The following FNIP1 variants were observed in gnomAD, a reference collection of about 807,000 sequenced individuals.
FNIP1 encodes folliculin-interacting protein 1.
FNIP1 carries 40 observed loss-of-function variants against 124.5 expected under a neutral mutation model. The ratio of observed to expected loss-of-function variants is 0.32; its 90% confidence interval spans 0.25 to 0.42. FNIP1 has a LOEUF of 0.42. Among genes scored for constraint, FNIP1 ranks in the 10% least tolerant of loss-of-function variants. FNIP1 has a pLI of 1.00. For missense variants in FNIP1, 1,176 were observed against 1,403.7 expected, an observed-to-expected ratio of 0.84 and a Z score of 2.59; for synonymous variants, 472 against 470.6, an observed-to-expected ratio of 1.00 and a Z score of -0.04.
chr5:131,675,328 G>A (rs1193525083), intron 13 of FNIP1, among the ~76,000 whole-genome samples: 1 of 152,088 alleles, frequency 6.6e-6, no homozygotes, highest in Non-Finnish European at 1.5e-5. Flanking sequence ...ATTGTTGTCT[G>A]CATATATATT....
At chr5:131,766,913 G>A (rs554039050) in intron 1 of FNIP1, among the ~76,000 whole-genome samples, 30 of 152,244 alleles carry the variant, frequency 2.0e-4, no homozygotes, top group Admixed American at 5.2e-4. Context: ...CAGCCAACTG[G>A]ATGGTGCCTA....
chr5:131,685,534 C>A (rs1237457228), intron 11 of FNIP1, among the ~76,000 whole-genome samples: 1 of 150,756 alleles, frequency 6.6e-6, no homozygotes, highest in Admixed American at 6.6e-5. Context: ...CTGCAACCTC[C>A]GCCTCCGAGG....
At position 131,647,176 on chromosome 5, in the gene FNIP1, C is replaced by T. The variant is rs1386812625; in HGVS notation, c.3336G>A (p.Gln1112=). ...FCVMHLEDRL[Q]ELYFKSKMLS... ...GCATTTTACTTTTGAAGTATAGCTC[C>T]TGCAACCGGTCTTCAAGATGCATTA... The change falls in exon 17 of 18, where the codon CAG becomes CAA. Residue 1112 remains glutamine, a synonymous_variant. Transcript: ENST00000510461. 27 of 1,614,026 alleles carry T rather than the reference C, an allele frequency of 1.7e-5. No individual in the cohort carries two copies. Among genetic ancestry groups the T allele is most frequent in the Non-Finnish European group, 2.1e-5 (25 of 1,180,012 alleles).
intron 1 of FNIP1, among the ~76,000 whole-genome samples, chr5:131,755,042 G>A (rs1770998834): frequency 6.6e-6 from 1 of 152,208 alleles, no homozygotes; most frequent in Non-Finnish European, 1.5e-5. Flanking sequence ...AGGAGGGGGA[G>A]TAAGTTTGGG....
At chr5:131,645,760 A>T (rs1370400271) in intron 17 of FNIP1, among the ~76,000 whole-genome samples, 7 of 152,344 alleles carry the variant, frequency 4.6e-5, no homozygotes, top group Admixed American at 3.9e-4. Flanking sequence ...AACTAAAAAT[A>T]ATCTAAATTC....
chr5:131,754,174 C>CT (rs1447923096), intron 1 of FNIP1, among the ~76,000 whole-genome samples: 1 of 21,794 alleles, frequency 4.6e-5, no homozygotes, highest in Admixed American at 7.0e-4. Flanking sequence ...GGGAATATTT[C>CT]TCTGTCACAT....
intron 1 of FNIP1, among the ~76,000 whole-genome samples, chr5:131,781,787 T>A (rs1339171639): frequency 1.3e-5 from 2 of 152,138 alleles, no homozygotes; most frequent in African/African-American, 4.8e-5. Context: ...TTCTGCAGCC[T>A]ACGGATCAAG....
chr5:131,688,281 G>T (rs368556710), intron 11 of FNIP1, among the ~76,000 whole-genome samples: 14 of 143,326 alleles, frequency 9.8e-5, no homozygotes, highest in East Asian at 6.0e-4. Context: ...AGAAAGAGGA[G>T]TTTAAAATAA....
At chr5:131,778,377 C>CA (rs1204293968) in intron 1 of FNIP1, among the ~76,000 whole-genome samples, 1 of 151,682 alleles carries the variant, frequency 6.6e-6, no homozygotes, top group Non-Finnish European at 1.5e-5. Context: ...TTTATGCAGC[C>CA]AAAAAACACA....
intron 1 of FNIP1, among the ~76,000 whole-genome samples, chr5:131,786,964 T>C (rs1407825658): frequency 6.6e-6 from 1 of 152,206 alleles, no homozygotes; most frequent in Non-Finnish European, 1.5e-5. Flanking sequence ...GTACCTACTA[T>C]GCCATTTAAT....
chr5:131,688,772 C>G (rs1231064272), intron 11 of FNIP1, among the ~76,000 whole-genome samples: 1 of 146,968 alleles, frequency 6.8e-6, no homozygotes, highest in Non-Finnish European at 1.5e-5. Context: ...TGGACATGAC[C>G]AAGGAAAGAA....
chr5:131,734,353 C>G (rs1259849365), intron 2 of FNIP1, among the ~76,000 whole-genome samples: 2 of 152,110 alleles, frequency 1.3e-5, no homozygotes, highest in African/African-American at 4.8e-5. Flanking sequence ...TTAGTTATTT[C>G]TTGCCTTCTG....
chr5:131,658,208 C>G (rs183549562), intron 15 of FNIP1, among the ~76,000 whole-genome samples: 2 of 152,248 alleles, frequency 1.3e-5, no homozygotes, highest in Non-Finnish European at 2.9e-5. Flanking sequence ...AACAAATTGA[C>G]GTTAGACAAT....
chr5:131,668,917 T>C (rs1300447412), intron 15 of FNIP1, among the ~76,000 whole-genome samples: 2 of 152,188 alleles, frequency 1.3e-5, no homozygotes, highest in Non-Finnish European at 2.9e-5. Context: ...AAAAAATATA[T>C]ACAATTTAAG....
intron 11 of FNIP1, among the ~76,000 whole-genome samples, chr5:131,687,656 G>C (rs1236170744): frequency 6.6e-6 from 1 of 152,192 alleles, no homozygotes; most frequent in East Asian, 1.9e-4. Context: ...TGAAAAAATG[G>C]GTAAATACAG....
chr5:131,796,889 G>C lies in FNIP1; in HGVS notation c.33C>G (p.Ser11Arg), dbSNP rs1772629139. The change falls in exon 1 of 18, where the codon AGC (serine) becomes AGG (arginine). Residue 11 changes from serine to arginine, a missense_variant. Ser to Arg is a moderately radical substitution (Grantham distance 110). Around this residue, in one of 2 missense-constraint regions of FNIP1, gnomAD observed 1,109 missense variants for 1,288.5 expected, o/e 0.86. Coordinates refer to ENST00000510461, the MANE Select transcript of FNIP1 (RefSeq NM_133372.3). The part of the protein sequence containing the change: MAPTLFQKLF[S>R]KRTGLGAPGR... The stretch of plus-strand genomic sequence containing the variant: ...CGGGCGCGCCCAGCCCGGTCCTCTT[G>C]CTGAAGAGCTTCTGGAACAGCGTAG... 1.2e-6 allele frequency: 2 copies of C among 1,609,180 alleles called. No individual in the cohort carries two copies. Among genetic ancestry groups the C allele is most frequent in the South Asian group, 2.2e-5 (2 of 90,474 alleles).
chr5:131,758,859 G>A (rs189979790), intron 1 of FNIP1, among the ~76,000 whole-genome samples: 32 of 152,054 alleles, frequency 2.1e-4, no homozygotes, highest in Non-Finnish European at 4.0e-4. Context: ...ACTTCCAAGA[G>A]GGCAAACTGG....
chr5:131,665,451 A>AT (rs1241628642), intron 15 of FNIP1, among the ~76,000 whole-genome samples: 3 of 151,822 alleles, frequency 2.0e-5, no homozygotes, highest in African/African-American at 7.3e-5. Flanking sequence ...AGAAGACTGT[A>AT]TTTTTTTAAA....
At chr5:131,729,660 C>T (rs1770009318) in intron 3 of FNIP1, among the ~76,000 whole-genome samples, 1 of 152,184 alleles carries the variant, frequency 6.6e-6, no homozygotes, top group Non-Finnish European at 1.5e-5. Flanking sequence ...TCACCACATC[C>T]TAGAACTTCT....
Sources: allele counts gnomAD v4.1 joint callset (sites outside exome capture counted in the v4.1 genomes callset), GRCh38; gene constraint gnomAD v4.1.1; regional missense constraint gnomAD v4.1.1; transcripts MANE v1.5; gene names NCBI Gene and HGNC (gene_info 2026-07-23, HGNC 2026-07-21).